GPC5: variants seen among roughly 807,000 people sequenced by gnomAD.
GPC5 encodes the protein glypican 5.
In GPC5, 47 loss-of-function variants were observed where a neutral mutation model predicts 53.9. The observed-to-expected ratio is 0.87, with a 90% CI of 0.69 to 1.11. The LOEUF (loss-of-function observed/expected upper bound fraction) is 1.11, where lower values mean the gene tolerates loss of function less well. GPC5 is among the 50% of genes most tolerant of loss of function. GPC5 has a pLI of 0.00. For missense variants in GPC5, 748 were observed against 713.1 expected, an observed-to-expected ratio of 1.05 and a Z score of -0.56; for synonymous variants, 286 against 263.3, an observed-to-expected ratio of 1.09 and a Z score of -0.84.
At chr13:91,817,771 C>T (rs2038422793) in intron 5 of GPC5, among the ~76,000 whole-genome samples, 1 of 152,132 alleles carries the variant, frequency 6.6e-6, no homozygotes, top group Admixed American at 6.6e-5. Flanking sequence ...ATCCCTAAGC[C>T]ACCCCAAAAT....
chr13:91,800,226 C>T (rs2038112624), intron 5 of GPC5, among the ~76,000 whole-genome samples: 1 of 151,924 alleles, frequency 6.6e-6, no homozygotes, highest in South Asian at 2.1e-4. Context: ...TGTACCTTGA[C>T]ATTATAATAG....
At chr13:91,534,187 T>C (rs1294587661) in intron 2 of GPC5, among the ~76,000 whole-genome samples, 1 of 130,746 alleles carries the variant, frequency 7.6e-6, no homozygotes, top group Non-Finnish European at 1.7e-5. Context: ...CAGAAAATAA[T>C]TTTCTTATTA....
intron 2 of GPC5, among the ~76,000 whole-genome samples, chr13:91,658,838 A>T (rs1246369594): frequency 1.3e-5 from 2 of 152,056 alleles, no homozygotes; most frequent in Non-Finnish European, 2.9e-5. Context: ...GGGCCTTCAC[A>T]CTTGCTGATT....
chr13:92,107,122 C>T (rs772095347), intron 6 of GPC5, among the ~76,000 whole-genome samples: 12 of 151,764 alleles, frequency 7.9e-5, no homozygotes, highest in Non-Finnish European at 1.3e-4. Flanking sequence ...TTAGTTGGGC[C>T]GTTTTTCAGT....
intron 7 of GPC5, among the ~76,000 whole-genome samples, chr13:92,470,872 T>C (rs1235604844): frequency 6.6e-6 from 1 of 152,116 alleles, no homozygotes; most frequent in Non-Finnish European, 1.5e-5. Context: ...ACAGAGAACA[T>C]CAGTTTTCAT....
At chr13:91,434,049 C>T (rs147079055) in intron 1 of GPC5, among the ~76,000 whole-genome samples, 6,564 of 151,956 alleles carry the variant, frequency 0.043, 187 homozygotes, top group South Asian at 0.13. Context: ...GATGGGGTTG[C>T]TTGTTTTTTT....
intron 7 of GPC5, among the ~76,000 whole-genome samples, chr13:92,413,715 G>A (rs532477664): frequency 2.9e-4 from 44 of 152,246 alleles, no homozygotes; most frequent in Non-Finnish European, 6.0e-4. Flanking sequence ...GATAAAAATA[G>A]AGAACTCAGA....
intron 3 of GPC5, among the ~76,000 whole-genome samples, chr13:91,706,359 A>G (rs2036106082): frequency 6.6e-6 from 1 of 152,122 alleles, no homozygotes; most frequent in Non-Finnish European, 1.5e-5. Context: ...TTCTTGTTTT[A>G]TCTGAAAAGT....
chr13:91,906,308 T>TTGTA (rs1167812611), intron 5 of GPC5, among the ~76,000 whole-genome samples: 31 of 152,118 alleles, frequency 2.0e-4, no homozygotes, highest in African/African-American at 6.7e-4. Context: ...CATCAAAGGC[T>TTGTA]ACTTCAAGTT....
chr13:91,461,543 T>G (rs1374812521), intron 2 of GPC5, among the ~76,000 whole-genome samples: 1 of 152,146 alleles, frequency 6.6e-6, no homozygotes, highest in East Asian at 1.9e-4. Flanking sequence ...GGAACGATAA[T>G]AGTACCTTCT....
At chr13:92,590,908 C>A (rs868416680) in intron 7 of GPC5, among the ~76,000 whole-genome samples, 1 of 152,154 alleles carries the variant, frequency 6.6e-6, no homozygotes, top group Non-Finnish European at 1.5e-5. Context: ...CACTGTTAGT[C>A]TCTTTCTAGG....
At chr13:92,271,010 A>G (rs1281838858) in intron 7 of GPC5, among the ~76,000 whole-genome samples, 1 of 152,198 alleles carries the variant, frequency 6.6e-6, no homozygotes, top group Non-Finnish European at 1.5e-5. Context: ...GGCCTTCAAA[A>G]AGACATAGAG....
chr13:91,847,082 G>C (rs71427527), intron 5 of GPC5, among the ~76,000 whole-genome samples: 85 of 151,904 alleles, frequency 5.6e-4, no homozygotes, highest in Non-Finnish European at 9.9e-4. Context: ...AGCCGGGTGC[G>C]GTGGCGGGCA....
intron 7 of GPC5, among the ~76,000 whole-genome samples, chr13:92,473,118 G>T (rs1194066561): frequency 6.6e-6 from 1 of 151,964 alleles, no homozygotes; most frequent in Non-Finnish European, 1.5e-5. Context: ...CCAGGATGGT[G>T]GTCTGAACAG....
intron 2 of GPC5, among the ~76,000 whole-genome samples, chr13:91,507,481 G>A (rs1193510236): frequency 1.3e-5 from 2 of 152,192 alleles, no homozygotes; most frequent in Non-Finnish European, 2.9e-5. Context: ...CAAAAAGAGA[G>A]CTTGTGCAGA....
At chr13:91,452,889 T>C (rs1881281398) in intron 2 of GPC5, among the ~76,000 whole-genome samples, 1 of 151,968 alleles carries the variant, frequency 6.6e-6, no homozygotes. Context: ...TAAAATGTTA[T>C]ATCTTTCCTT....
intron 7 of GPC5, among the ~76,000 whole-genome samples, chr13:92,168,412 T>C (rs1403594379): frequency 6.6e-6 from 1 of 152,094 alleles, no homozygotes; most frequent in East Asian, 1.9e-4. Context: ...GCCTACAGAA[T>C]GGGAGACAAT....
rs1467199658 is a variant in GPC5, at chr13:91,571,917, CAT to C, written c.326-121267_326-121266del. Reference sequence around the variant, plus strand: ...TATATACACATATTGTATATATACACATATTGTATATATACACACATGTATAT... The same window carrying C: ...TATATACACATATTGTATATATACACATTGTATATATACACACATGTATAT... On this transcript the variant is annotated intron_variant, in intron 2 of 7. Transcript: ENST00000377067. Among the ~76,000 whole-genome samples, 48 of 105,072 alleles carry C rather than the reference CAT, an allele frequency of 4.6e-4. 5 individuals carry two copies. The highest frequency in any genetic ancestry group is 1.7e-3 in the African/African-American group (46 of 26,288). The allele number at this position is 105,072 out of a possible 152,430, so 68.9% of individuals were successfully genotyped here. A position where few individuals can be genotyped will look rare whatever the true frequency, so the allele number is the denominator to read the frequency against.
chr13:92,414,040 G>T (rs1278091616), intron 7 of GPC5, among the ~76,000 whole-genome samples: 1 of 152,068 alleles, frequency 6.6e-6, no homozygotes, highest in Non-Finnish European at 1.5e-5. Context: ...GAGTGAATTG[G>T]AGGGTTACTC....
Sources: allele counts gnomAD v4.1 joint callset (sites outside exome capture counted in the v4.1 genomes callset), GRCh38; gene constraint gnomAD v4.1.1; transcripts MANE v1.5; gene names NCBI Gene and HGNC (gene_info 2026-07-23, HGNC 2026-07-21).